The following SPAG16 variants were observed in gnomAD, a reference collection of about 807,000 sequenced individuals.
SPAG16 encodes the protein sperm associated antigen 16, also known as sperm-associated antigen 16 protein.
Under a neutral mutation model 80.4 loss-of-function variants are expected in SPAG16, and 86 were observed. The observed-to-expected ratio is 1.07, with a 90% CI of 0.90 to 1.28. The LOEUF is 1.28. Among genes scored for constraint, SPAG16 ranks in the 50% most tolerant of loss-of-function variants. The pLI is 0.00. For synonymous variants in SPAG16, 294 were observed against 265.9 expected (o/e 1.11, Z -1.03); for missense variants, 870 against 765.3 (o/e 1.14, Z -1.61).
At chr2:213,761,186 C>T (rs537290999) in intron 10 of SPAG16, among the ~76,000 whole-genome samples, 101 of 152,132 alleles carry the variant, frequency 6.6e-4, no homozygotes, top group Non-Finnish European at 1.3e-3. Context: ...TGAACGTTAT[C>T]AAAGAGAAAT....
At chr2:214,325,577 CTT>C (rs1696415321) in intron 15 of SPAG16, among the ~76,000 whole-genome samples, 1 of 152,096 alleles carries the variant, frequency 6.6e-6, no homozygotes, top group Non-Finnish European at 1.5e-5. Context: ...CCAGACCAAA[CTT>C]AATTTGTTTA....
chr2:213,886,020 T>A (rs910645135), intron 11 of SPAG16, among the ~76,000 whole-genome samples: 2 of 152,144 alleles, frequency 1.3e-5, no homozygotes, highest in African/African-American at 4.8e-5. Flanking sequence ...TGTAAAAATA[T>A]GATTGGATAA....
chr2:214,150,514 T>G (rs1278266545), intron 15 of SPAG16, among the ~76,000 whole-genome samples: 2 of 152,072 alleles, frequency 1.3e-5, no homozygotes, highest in Non-Finnish European at 2.9e-5. Context: ...AATTTATAGT[T>G]TTTGGCATAT....
chr2:213,945,442 A>T (rs12473593), intron 12 of SPAG16, among the ~76,000 whole-genome samples: 6,486 of 151,956 alleles, frequency 0.043, 171 homozygotes, highest in South Asian at 0.1. Flanking sequence ...TCCGAGTCTC[A>T]AAACTGAAGA....
At chr2:213,486,754 G>A (rs62192346) in intron 9 of SPAG16, among the ~76,000 whole-genome samples, 2,330 of 152,024 alleles carry the variant, frequency 0.015, 31 homozygotes, top group Non-Finnish European at 0.025. Context: ...AATATCCCAG[G>A]AGAATATTAA....
chr2:214,129,930 T>C (rs1262752944), intron 14 of SPAG16, among the ~76,000 whole-genome samples: 1 of 152,062 alleles, frequency 6.6e-6, no homozygotes, highest in Non-Finnish European at 1.5e-5. Flanking sequence ...TACTTACCGG[T>C]ATTAACAAAA....
chr2:213,584,658 G>A (rs74980659), intron 10 of SPAG16, among the ~76,000 whole-genome samples: 1,578 of 152,104 alleles, frequency 0.01, 17 homozygotes, highest in Non-Finnish European at 0.016. Flanking sequence ...ACAGACGGAC[G>A]GATGGACGGG....
intron 12 of SPAG16, among the ~76,000 whole-genome samples, chr2:213,971,295 CTAAT>C (rs2045037235): frequency 6.6e-6 from 1 of 152,064 alleles, no homozygotes; most frequent in Admixed American, 6.6e-5. Context: ...CTACATAGTG[CTAAT>C]TACTTTATTT....
At chr2:213,769,216 A>G (rs934261901) in intron 10 of SPAG16, among the ~76,000 whole-genome samples, 2 of 152,174 alleles carry the variant, frequency 1.3e-5, no homozygotes, top group East Asian at 1.9e-4. Context: ...TTGGGGATAC[A>G]TTTATTAATT....
intron 15 of SPAG16, among the ~76,000 whole-genome samples, chr2:214,341,867 TCTA>T (rs1697724629): frequency 6.6e-6 from 1 of 152,088 alleles, no homozygotes; most frequent in African/African-American, 2.4e-5. Flanking sequence ...GAAGAAATCT[TCTA>T]GATTAACTTT....
chr2:214,344,912 C>T (rs1206922170), intron 15 of SPAG16, among the ~76,000 whole-genome samples: 2 of 152,094 alleles, frequency 1.3e-5, no homozygotes, highest in African/African-American at 4.8e-5. Flanking sequence ...TGACCAAGAC[C>T]TCCCCTTGTA....
chr2:213,772,507 T>G (rs1392155173), intron 10 of SPAG16, among the ~76,000 whole-genome samples: 1 of 152,200 alleles, frequency 6.6e-6, no homozygotes, highest in Non-Finnish European at 1.5e-5. Context: ...ATTTTAGCTT[T>G]TATGTTTAGG....
At chr2:214,118,802 G>A (rs13015797) in intron 14 of SPAG16, among the ~76,000 whole-genome samples, 13,416 of 145,818 alleles carry the variant, frequency 0.092, 775 homozygotes, top group East Asian at 0.28. Flanking sequence ...TACAAATTCA[G>A]TGCAATCTCT....
chr2:214,031,161 C>G (rs2048386212), intron 13 of SPAG16, among the ~76,000 whole-genome samples: 1 of 151,848 alleles, frequency 6.6e-6, no homozygotes, highest in Admixed American at 6.6e-5. Context: ...AGACAGAACC[C>G]TCAGCTGCAG....
intron 12 of SPAG16, among the ~76,000 whole-genome samples, chr2:213,943,155 T>C (rs979340413): frequency 6.6e-6 from 1 of 152,162 alleles, no homozygotes; most frequent in Non-Finnish European, 1.5e-5. Context: ...CCGTCTGTGG[T>C]ATTTTTGTTG....
chr2:214,126,675 A>G (rs533090793), intron 14 of SPAG16, among the ~76,000 whole-genome samples: 1 of 151,696 alleles, frequency 6.6e-6, no homozygotes, highest in African/African-American at 2.4e-5. Context: ...ACTTTAAAAG[A>G]CTCTTGCCAA....
intron 10 of SPAG16, among the ~76,000 whole-genome samples, chr2:213,671,274 G>A (rs1313021060): frequency 1.3e-5 from 2 of 152,204 alleles, no homozygotes; most frequent in Non-Finnish European, 2.9e-5. Context: ...GGACCCTATT[G>A]TAGGAGCTTG....
chr2:213,375,033 A>T lies in SPAG16; in HGVS notation c.856A>T (p.Asn286Tyr). ...AGTTGATCATAGTCGTGAAAAAGAAAATGCACCAGAAGGTCCTACTCAGAA... is the reference window on the plus strand; with the variant it reads ...AGTTGATCATAGTCGTGAAAAAGAATATGCACCAGAAGGTCCTACTCAGAA... ...IKVDHSREKE[N>Y]APEGPTQKGL... is the part of the protein sequence containing the mutation. Residue 286 changes from asparagine (N) to tyrosine (Y), a missense_variant, in exon 9 of 16, where the codon AAT becomes TAT. Coordinates refer to ENST00000331683, the MANE Select transcript of SPAG16 (RefSeq NM_024532.5). 1 of 1,606,528 alleles carries T rather than the reference A, an allele frequency of 6.2e-7. No homozygotes were observed. Among genetic ancestry groups the T allele is most frequent in the South Asian group, 1.1e-5 (1 of 89,544 alleles).
intron 10 of SPAG16, among the ~76,000 whole-genome samples, chr2:213,836,533 T>A (rs1434431562): frequency 2.0e-5 from 3 of 152,200 alleles, no homozygotes; most frequent in Non-Finnish European, 4.4e-5. Context: ...CCAAATGCTC[T>A]TTATAAAATT....
Sources: allele counts gnomAD v4.1 joint callset (sites outside exome capture counted in the v4.1 genomes callset), GRCh38; gene constraint gnomAD v4.1.1; transcripts MANE v1.5; gene names NCBI Gene and HGNC (gene_info 2026-07-23, HGNC 2026-07-21).